Variants in TNS1 observed in about 807,000 individuals in gnomAD.
The protein encoded by TNS1 is tensin-1.
A neutral mutation model predicts 168.6 loss-of-function variants in TNS1; 62 were observed. The observed-to-expected ratio is 0.37, with a 90% CI of 0.30 to 0.45. The LOEUF is 0.45. TNS1 is among the 20% of genes least tolerant of loss of function. The probability of loss-of-function intolerance (pLI) is 1.00; values close to 1 mark genes in which losing one functional copy is unlikely to be tolerated. For synonymous variants in TNS1, 934 were observed against 933.2 expected, an observed-to-expected ratio of 1.00 and a Z score of -0.02; for missense variants, 2,240 against 2,339.4, an observed-to-expected ratio of 0.96 and a Z score of 0.88.
chr2:217,840,844 T>C (rs1005678192), intron 19 of TNS1, among the ~76,000 whole-genome samples: 1 of 152,220 alleles, frequency 6.6e-6, no homozygotes, highest in African/African-American at 2.4e-5. Flanking sequence ...AATGTTAGTC[T>C]AGTTATTCCA....
At chr2:217,910,161 G>A (rs1313003984) in intron 4 of TNS1, among the ~76,000 whole-genome samples, 1 of 152,134 alleles carries the variant, frequency 6.6e-6, no homozygotes, top group African/African-American at 2.4e-5. Flanking sequence ...GGCCTCAGCA[G>A]TGCAAGAGAA....
rs1312580052 is a variant in TNS1 at position 217,810,309 on chromosome 2, A to G, written c.5043T>C (p.Asp1681=). 2 of 1,614,184 alleles carry G rather than the reference A, an allele frequency of 1.2e-6. No homozygotes were observed. Among genetic ancestry groups the G allele is most frequent in the Non-Finnish European group, 8.5e-7 (1 of 1,180,020 alleles). The stretch of plus-strand genomic sequence containing the variant: ...CAGGGCCGGAGCTATCTTTCGATTC[A>G]TCTGTGGGGTCTAAGACAAAAATTC... ...KLVIPNRDPT[D]ESKDSSGPAN... Residue 1681 remains aspartate (D), a synonymous_variant, in exon 29 of 33, where the codon GAT becomes GAC. Transcript: ENST00000682258.
intron 4 of TNS1, among the ~76,000 whole-genome samples, chr2:217,909,077 C>T (rs1217808337): frequency 2.0e-5 from 3 of 147,842 alleles, no homozygotes; most frequent in Non-Finnish European, 4.5e-5. Context: ...ACCCACCCCT[C>T]TACCAGGGAC....
chr2:217,875,348 C>A (rs1950120399), intron 18 of TNS1, among the ~76,000 whole-genome samples: 2 of 152,166 alleles, frequency 1.3e-5, no homozygotes, highest in African/African-American at 2.4e-5. Context: ...CTGCTCTAAG[C>A]CCATGGGTTG....
At position 217,939,516 on chromosome 2, in the gene TNS1, C is replaced by T. The variant is rs562724744; in HGVS notation, c.187-19280G>A. On this transcript the variant is annotated intron_variant, in intron 3 of 32. Coordinates refer to ENST00000682258, the MANE Select transcript of TNS1 (RefSeq NM_001387777.1). The stretch of plus-strand genomic sequence containing the variant: ...TGGGAAACTTGCAAGGATCACAGAA[C>T]GCTGTGGGGTCCCATCTTCTCTGCA... Among the ~76,000 whole-genome samples the T allele has an allele frequency of 6.6e-5, 10 of 152,332 alleles. No individual in the cohort carries two copies. In the South Asian group the frequency reaches 1.7e-3, roughly 25 times the overall value.
intron 32 of TNS1, among the ~76,000 whole-genome samples, chr2:217,805,936 C>T (rs1382750767): frequency 6.6e-6 from 1 of 151,430 alleles, no homozygotes; most frequent in African/African-American, 2.4e-5. Context: ...TACAGCTCTG[C>T]TCCTCCAGTC....
rs770258942 is a variant in TNS1, at chr2:217,831,474, G to A, written c.3354C>T (p.Ile1118=). Residue 1118 remains isoleucine (I), a synonymous_variant, in exon 22 of 33, where the codon ATC becomes ATT. Coordinates refer to ENST00000682258, the MANE Select transcript of TNS1 (RefSeq NM_001387777.1). ...LGLKPHNPAD[I]LLHPTGEPRS... is the part of the protein sequence containing the mutation. ...ACTCACCTCCTGTGGGGTGCAACAGGATGTCCGCTGGGTTGTGAGGTTTCA... is the reference window on the plus strand; with the variant it reads ...ACTCACCTCCTGTGGGGTGCAACAGAATGTCCGCTGGGTTGTGAGGTTTCA... 10 of 1,590,734 alleles carry A rather than the reference G, an allele frequency of 6.3e-6. No individual in the cohort carries two copies. In the South Asian group the frequency reaches 1.1e-4, roughly 18 times the overall value.
At chr2:217,847,032 T>A (rs546876380) in intron 19 of TNS1, among the ~76,000 whole-genome samples, 19 of 152,194 alleles carry the variant, frequency 1.2e-4, no homozygotes, top group Admixed American at 2.0e-4. Flanking sequence ...CTTCTCCACG[T>A]CTCCCCCAAG....
intron 18 of TNS1, among the ~76,000 whole-genome samples, chr2:217,855,817 G>T (rs1463879875): frequency 5.3e-5 from 8 of 152,178 alleles, no homozygotes; most frequent in Admixed American, 5.2e-4. Flanking sequence ...AGGGGTTCTA[G>T]GTGGACCCCG....
chr2:217,966,315 G>GCGCA (rs1957637530), intron 3 of TNS1, among the ~76,000 whole-genome samples: 3 of 145,790 alleles, frequency 2.1e-5, no homozygotes, highest in Admixed American at 6.8e-5. Flanking sequence ...GTGTGCGCGC[G>GCGCA]CGCGCGTGTG....
In TNS1 at chr2:217,817,945, A is replaced by G; in HGVS notation, c.4387T>C (p.Tyr1463His). Reference protein sequence around the residue: ...STPSFPVSPAYYPGLSSPATS... With the variant: ...STPSFPVSPAHYPGLSSPATS... ...GCAGGGCTGCTCAGGCCAGGGTAGT[A>G]GGCAGGGGAGACAGGGAAGGAGGGC... The change falls in exon 24 of 33, where the codon TAC (tyrosine) becomes CAC (histidine). Residue 1463 changes from tyrosine (Y) to histidine (H), a missense_variant. Around this residue, in one of 2 missense-constraint regions of TNS1, gnomAD observed 2,131 missense variants for 2,171.2 expected, o/e 0.98. Coordinates refer to ENST00000682258, the MANE Select transcript of TNS1 (RefSeq NM_001387777.1). 1 of 1,610,936 alleles carries G rather than the reference A, an allele frequency of 6.2e-7. No homozygotes were observed. The highest frequency in any genetic ancestry group is 2.2e-5 in the East Asian group (1 of 44,764).
intron 18 of TNS1, among the ~76,000 whole-genome samples, chr2:217,863,828 C>T (rs927806261): frequency 6.6e-6 from 1 of 152,102 alleles, no homozygotes; most frequent in Non-Finnish European, 1.5e-5. Flanking sequence ...AAGGTTCAAA[C>T]GTCTGGGGAT....
At chr2:218,022,679 A>T (rs1033753052) in intron 1 of TNS1, among the ~76,000 whole-genome samples, 2 of 151,858 alleles carry the variant, frequency 1.3e-5, no homozygotes, top group Non-Finnish European at 2.9e-5. Context: ...GGGAGCCCCC[A>T]GAGCGAGAAA....
Position 217,818,674 on chromosome 2 carries a change from G to A in TNS1, c.3658C>T (p.Arg1220Cys), listed in dbSNP as rs151035362. 3.2e-4 allele frequency: 514 copies of A among 1,614,222 alleles called. 1 individual carries two copies. The highest frequency in any genetic ancestry group is 1.7e-3 in the South Asian group (156 of 91,082). ...PTQPLLESGFRSGSLGQPSPS... is the reference protein window; with the variant it reads ...PTQPLLESGFCSGSLGQPSPS... ...CTGGGCTGTCCCAGGCTGCCTGAGC[G>A]GAAGCCAGACTCCAACAGAGGCTGG... Residue 1220 changes from arginine to cysteine, a missense_variant, in exon 24 of 33, where the codon CGC becomes TGC. By Grantham distance (180) the Arg-to-Cys change is radical. Transcript: ENST00000682258.
rs763736445 is a variant in TNS1, at chr2:217,880,966, G to T, written c.1361C>A (p.Thr454Asn). 7.4e-6 allele frequency: 12 copies of T among 1,613,978 alleles called. No individual in the cohort carries two copies. Among genetic ancestry groups the T allele is most frequent in the Non-Finnish European group, 1.0e-5 (12 of 1,180,024 alleles). The change falls in exon 18 of 33, where the codon ACC (threonine) becomes AAC (asparagine). Residue 454 changes from threonine to asparagine, a missense_variant. This residue lies in a region of TNS1 where 2,131 missense variants were observed against 2,171.2 expected (regional missense o/e 0.98). Transcript: ENST00000682258. The surrounding 1 kb of genome is among the most constrained non-coding windows in gnomAD (Gnocchi z 4.2). Reference sequence around the variant, plus strand: ...GTCCCAGCGGATGAGGGGGTCGGAGGTGTTATAGTCCACAGACACGCTCGG... The same window carrying T: ...GTCCCAGCGGATGAGGGGGTCGGAGTTGTTATAGTCCACAGACACGCTCGG... ...NGPSVSVDYN[T>N]SDPLIRWDSY... is the part of the protein sequence containing the mutation.
rs778703019 is a variant in TNS1 at position 217,812,405 on chromosome 2, T to C, written c.4995A>G (p.Pro1665=). 9 of 1,614,000 alleles carry C rather than the reference T, an allele frequency of 5.6e-6. No homozygotes were observed. The highest frequency in any genetic ancestry group is 1.1e-5 in the South Asian group (1 of 91,066). The change falls in exon 28 of 33, where the codon CCA becomes CCG. Residue 1665 remains proline, a synonymous_variant. Transcript: ENST00000682258. ...SALVYQHSII[P]LALPCKLVIP... ...TGACCAGCTTGCAAGGCAGGGCCAA[T>C]GGGATGATGGAGTGCTGGTAGACCA... is the stretch of plus-strand genomic sequence containing the variant.
chr2:217,820,800 C>G (rs1942731703), intron 23 of TNS1, among the ~76,000 whole-genome samples: 1 of 152,168 alleles, frequency 6.6e-6, no homozygotes, highest in African/African-American at 2.4e-5. Flanking sequence ...CTTGCTGCAC[C>G]CCTCCACTAA....
chr2:217,847,428 G>C (rs1946804268), intron 19 of TNS1, 82 bp downstream of exon 19: 1 of 1,289,330 alleles, frequency 7.8e-7, no homozygotes, highest in Admixed American at 2.7e-5. Context: ...ATCTGCTTAG[G>C]GGTCATGGCT....
chr2:217,810,244 T>C lies in TNS1; in HGVS notation c.5104+4A>G, dbSNP rs781137238. The C allele has an allele frequency of 6.2e-7, 1 of 1,613,878 alleles. No individual in the cohort carries two copies. The highest frequency in any genetic ancestry group is 1.1e-5 in the South Asian group (1 of 91,058). Reference sequence around the variant, plus strand: ...CATGGGTACAGTTTCAGGTGACCACTCACCTGCCCCTTGTTTCAGCAGGTC... The same window carrying C: ...CATGGGTACAGTTTCAGGTGACCACCCACCTGCCCCTTGTTTCAGCAGGTC... On this transcript the variant is annotated splice_donor_region_variant and intron_variant, in intron 29 of 32. Coordinates refer to ENST00000682258, the MANE Select transcript of TNS1 (RefSeq NM_001387777.1).
Sources: allele counts gnomAD v4.1 joint callset (sites outside exome capture counted in the v4.1 genomes callset), GRCh38; gene constraint gnomAD v4.1.1; regional missense constraint gnomAD v4.1.1; non-coding constraint Gnocchi (gnomAD v3.1); transcripts MANE v1.5; gene names NCBI Gene and HGNC (gene_info 2026-07-23, HGNC 2026-07-21).